Variants in MOCOS observed in about 807,000 individuals in gnomAD.
MOCOS encodes molybdenum cofactor sulfurase.
Under a neutral mutation model 83.6 loss-of-function variants are expected in MOCOS, and 86 were observed. The observed-to-expected ratio is 1.03, with a 90% CI of 0.86 to 1.23. MOCOS has a LOEUF of 1.23. Among genes scored for constraint, MOCOS ranks in the 50% most tolerant of loss-of-function variants. The pLI, the probability that MOCOS is intolerant of heterozygous loss-of-function variation, is 0.00. For missense variants in MOCOS, 1,120 were observed against 1,126.9 expected (o/e 0.99, Z 0.09); for synonymous variants, 445 against 434.7 (o/e 1.02, Z -0.29).
chr18:36,252,654 T>G (rs1361007752), intron 11 of MOCOS, among the ~76,000 whole-genome samples: 1 of 152,022 alleles, frequency 6.6e-6, no homozygotes, highest in Non-Finnish European at 1.5e-5. Context: ...AACCCAGGAG[T>G]TCGAGGCTGC....
chr18:36,211,027 C>G (rs1390058595), intron 6 of MOCOS, among the ~76,000 whole-genome samples: 1 of 151,936 alleles, frequency 6.6e-6, no homozygotes, highest in Non-Finnish European at 1.5e-5. Flanking sequence ...GTTTCTCCCT[C>G]TGTGCCTTGG....
intron 9 of MOCOS, among the ~76,000 whole-genome samples, chr18:36,232,820 A>C (rs116807706): frequency 0.017 from 2,524 of 150,640 alleles, 58 homozygotes; most frequent in African/African-American, 0.058. Context: ...AAATAACATA[A>C]TTTCCTTCTT....
intron 9 of MOCOS, among the ~76,000 whole-genome samples, chr18:36,239,263 C>A (rs541837733): frequency 1.3e-5 from 2 of 151,998 alleles, no homozygotes; most frequent in East Asian, 3.9e-4. Context: ...GATTTTGCAG[C>A]GGCTGGTACC....
chr18:36,214,974 C>T (rs1218364401), intron 7 of MOCOS, among the ~76,000 whole-genome samples: 1 of 152,220 alleles, frequency 6.6e-6, no homozygotes, highest in Non-Finnish European at 1.5e-5. Flanking sequence ...TCCCCATCTC[C>T]CTGCAGGGGC....
At chr18:36,217,873 TTGTGAGGA>T (rs984745726) in intron 8 of MOCOS, among the ~76,000 whole-genome samples, 42 of 152,310 alleles carry the variant, frequency 2.8e-4, no homozygotes, top group African/African-American at 1.0e-3. Context: ...CCATGACATC[TTGTGAGGA>T]TGCTGCAGCC....
chr18:36,204,303 C>G (rs2091426208), intron 5 of MOCOS, among the ~76,000 whole-genome samples: 1 of 152,158 alleles, frequency 6.6e-6, no homozygotes, highest in Non-Finnish European at 1.5e-5. Flanking sequence ...CTTGGTAACT[C>G]ATCTAAGTAG....
At chr18:36,188,255 C>A (rs1283519531) in intron 1 of MOCOS, among the ~76,000 whole-genome samples, 1 of 152,250 alleles carries the variant, frequency 6.6e-6, no homozygotes, top group African/African-American at 2.4e-5. Context: ...ACTCTTACAG[C>A]GTCAGAACAA....
At chr18:36,192,966 A>G (rs963890741) in intron 1 of MOCOS, among the ~76,000 whole-genome samples, 4 of 152,162 alleles carry the variant, frequency 2.6e-5, no homozygotes, top group African/African-American at 9.7e-5. Context: ...ATCTTGAAAA[A>G]GAAGATCAAA....
At chr18:36,221,748 CAG>C (rs1468209623) in intron 9 of MOCOS, among the ~76,000 whole-genome samples, 1 of 134,926 alleles carries the variant, frequency 7.4e-6, no homozygotes, top group African/African-American at 2.7e-5. Flanking sequence ...TTTTTTGAGA[CAG>C]AGTTTCACTC....
In MOCOS at chr18:36,268,917, T is replaced by C; in HGVS notation, c.*232T>C. The C allele has an allele frequency of 7.1e-6, 4 of 561,344 alleles. No individual in the cohort carries two copies. Among genetic ancestry groups the C allele is most frequent in the Non-Finnish European group, 9.5e-6 (3 of 316,028 alleles). 34.8% of individuals were successfully genotyped at this position (561,344 alleles called of 1,614,324 possible). On this transcript the variant is annotated 3_prime_UTR_variant, in exon 15 of 15. Transcript: ENST00000261326. Reference sequence around the variant, plus strand: ...CTCAGGAACGAATGCTGCACCCACATCCAGTGAGGCTCCTGTAGGTATTTG... The same window carrying C: ...CTCAGGAACGAATGCTGCACCCACACCCAGTGAGGCTCCTGTAGGTATTTG...
At chr18:36,216,034 T>C in intron 8 of MOCOS, 57 bp downstream of exon 8, 1 of 1,506,774 alleles carries the variant, frequency 6.6e-7, no homozygotes, top group East Asian at 2.3e-5. Context: ...TCTCTATTTT[T>C]TGATAAAGTG....
At chr18:36,194,786 A>G (rs1184891614) in intron 1 of MOCOS, among the ~76,000 whole-genome samples, 2 of 152,200 alleles carry the variant, frequency 1.3e-5, no homozygotes, top group African/African-American at 4.8e-5. Flanking sequence ...CATTTCTCTC[A>G]GAGAGAGGTT....
At chr18:36,197,172 G>A (rs1598870257) in intron 2 of MOCOS, among the ~76,000 whole-genome samples, 1 of 152,270 alleles carries the variant, frequency 6.6e-6, no homozygotes, top group East Asian at 1.9e-4. Context: ...TTTGGAGGCC[G>A]GGATCAATTA....
intron 13 of MOCOS, among the ~76,000 whole-genome samples, chr18:36,262,775 G>T (rs1305427383): frequency 6.6e-6 from 1 of 152,214 alleles, no homozygotes; most frequent in East Asian, 1.9e-4. Context: ...GGGATTATAG[G>T]CATAGGCCAC....
At position 36,191,686 on chromosome 18, in the gene MOCOS, G is replaced by T. The variant is rs532580455; in HGVS notation, c.143-3571G>T. Among the ~76,000 whole-genome samples the T allele has an allele frequency of 4.6e-4, 70 of 152,134 alleles. 1 individual carries two copies. Among genetic ancestry groups the T allele is most frequent in the Admixed American group, 1.4e-3 (22 of 15,286 alleles). On this transcript the variant is annotated intron_variant, in intron 1 of 14. Coordinates refer to ENST00000261326, the MANE Select transcript of MOCOS (RefSeq NM_017947.4). ...TCCTGGCCTCAAGCAATCCTGCCTT[G>T]GCCTCCCAAAATCCTGGGATTATAG...
At chr18:36,229,338 T>C (rs748856688) in intron 9 of MOCOS, among the ~76,000 whole-genome samples, 7 of 151,808 alleles carry the variant, frequency 4.6e-5, no homozygotes, top group Non-Finnish European at 8.8e-5. Context: ...CATTCTACTT[T>C]GTCTGGCCTA....
chr18:36,194,880 A>C (rs2091381160), intron 1 of MOCOS, among the ~76,000 whole-genome samples: 1 of 152,242 alleles, frequency 6.6e-6, no homozygotes, highest in African/African-American at 2.4e-5. Context: ...GTGGGAAAGT[A>C]GGATCAGGGC....
intron 9 of MOCOS, among the ~76,000 whole-genome samples, chr18:36,240,431 C>T (rs1320568829): frequency 1.3e-5 from 2 of 150,648 alleles, no homozygotes; most frequent in Non-Finnish European, 1.5e-5. Flanking sequence ...GGGGGTGCCT[C>T]CCAGTTAGGC....
At chr18:36,232,101 G>C (rs2091539911) in intron 9 of MOCOS, among the ~76,000 whole-genome samples, 1 of 152,116 alleles carries the variant, frequency 6.6e-6, no homozygotes, top group Non-Finnish European at 1.5e-5. Flanking sequence ...AGCCTCCGGA[G>C]TAGCTGGGAC....
Sources: gnomAD v4.1 joint callset for allele counts (sites outside exome capture counted in the v4.1 genomes callset) on GRCh38, gnomAD v4.1.1 for gene constraint, MANE v1.5 for transcripts, NCBI Gene and HGNC (gene_info 2026-07-23, HGNC 2026-07-21) for gene names.